Variants in GPR158 observed in about 807,000 individuals in gnomAD.
GPR158 encodes G protein-coupled receptor 158.
GPR158 carries 30 observed loss-of-function variants against 78.2 expected under a neutral mutation model. The ratio of observed to expected loss-of-function variants is 0.38; its 90% CI spans 0.29 to 0.52. GPR158 has a LOEUF of 0.52. Among genes scored for constraint, GPR158 ranks in the 20% least tolerant of loss-of-function variants. The pLI is 0.83. For missense variants in GPR158, 1,463 were observed against 1,523.5 expected (o/e 0.96, Z 0.66); for synonymous variants, 581 against 591.1 (o/e 0.98, Z 0.25).
intron 5 of GPR158, among the ~76,000 whole-genome samples, chr10:25,531,807 G>A (rs1017035407): frequency 1.3e-5 from 2 of 152,146 alleles, no homozygotes; most frequent in African/African-American, 4.8e-5. Context: ...TCTTGTGAGG[G>A]AGGGAGGATT....
intron 1 of GPR158, among the ~76,000 whole-genome samples, chr10:25,194,055 C>T (rs922476821): frequency 8.5e-5 from 13 of 152,210 alleles, no homozygotes; most frequent in African/African-American, 2.9e-4. Flanking sequence ...ATTTCTTTTC[C>T]TCACGAGCCC....
At chr10:25,490,656 T>A (rs951531380) in intron 5 of GPR158, among the ~76,000 whole-genome samples, 1 of 149,342 alleles carries the variant, frequency 6.7e-6, no homozygotes, top group Non-Finnish European at 1.5e-5. Flanking sequence ...TATTCCGTGG[T>A]GTATATGTGC....
chr10:25,267,059 C>T (rs1281181343), intron 2 of GPR158, among the ~76,000 whole-genome samples: 1 of 151,978 alleles, frequency 6.6e-6, no homozygotes, highest in African/African-American at 2.4e-5. Context: ...CCCTCTATTC[C>T]TCTTTAAATT....
intron 2 of GPR158, among the ~76,000 whole-genome samples, chr10:25,348,370 C>T (rs939656541): frequency 2.7e-5 from 4 of 149,024 alleles, no homozygotes; most frequent in African/African-American, 1.0e-4. Flanking sequence ...CAAAATATTA[C>T]CCAGAAATGA....
intron 7 of GPR158, among the ~76,000 whole-genome samples, chr10:25,580,029 A>T (rs1406826895): frequency 9.8e-5 from 15 of 152,308 alleles, no homozygotes; most frequent in African/African-American, 3.6e-4. Context: ...TGGTTGTGAA[A>T]GTCCACTGAT....
intron 4 of GPR158, among the ~76,000 whole-genome samples, chr10:25,450,017 T>A (rs201980316): frequency 7.0e-6 from 1 of 143,370 alleles, no homozygotes; most frequent in Non-Finnish European, 1.5e-5. Flanking sequence ...AAAAAAAACC[T>A]CCTCCCTGAC....
intron 2 of GPR158, among the ~76,000 whole-genome samples, chr10:25,366,289 A>C (rs1350876856): frequency 6.6e-6 from 1 of 151,614 alleles, no homozygotes; most frequent in African/African-American, 2.4e-5. Flanking sequence ...GTTATTTTCA[A>C]ATTTAATAGA....
chr10:25,421,112 T>C (rs915346195), intron 4 of GPR158, among the ~76,000 whole-genome samples: 3 of 152,214 alleles, frequency 2.0e-5, no homozygotes, highest in Non-Finnish European at 4.4e-5. Context: ...TCTTTCTACT[T>C]ATATGTGTCT....
intron 2 of GPR158, among the ~76,000 whole-genome samples, chr10:25,370,015 C>A (rs1315517548): frequency 2.1e-5 from 3 of 144,454 alleles, no homozygotes; most frequent in African/African-American, 4.9e-5. Flanking sequence ...GTGGTGATAT[C>A]CCCTTTATCA....
intron 2 of GPR158, among the ~76,000 whole-genome samples, chr10:25,290,753 T>G (rs1854423858): frequency 6.6e-6 from 1 of 152,096 alleles, no homozygotes; most frequent in African/African-American, 2.4e-5. Flanking sequence ...TCTTCCTTCT[T>G]TGAACCTAAG....
chr10:25,481,409 T>G (rs1662569377), intron 5 of GPR158, among the ~76,000 whole-genome samples: 1 of 152,120 alleles, frequency 6.6e-6, no homozygotes. Context: ...CAGGAGGTGA[T>G]GTATAAACCA....
intron 2 of GPR158, among the ~76,000 whole-genome samples, chr10:25,294,900 A>G (rs944169162): frequency 3.3e-5 from 5 of 152,242 alleles, no homozygotes; most frequent in Admixed American, 2.0e-4. Context: ...CAGATAAATC[A>G]TCTAGGTGTA....
At chr10:25,526,786 A>G (rs2130688827) in intron 5 of GPR158, among the ~76,000 whole-genome samples, 1 of 152,300 alleles carries the variant, frequency 6.6e-6, no homozygotes, top group Non-Finnish European at 1.5e-5. Flanking sequence ...CAATCAAGAA[A>G]CAACCCCAGT....
intron 1 of GPR158, among the ~76,000 whole-genome samples, chr10:25,208,381 C>T (rs1382783741): frequency 6.6e-6 from 1 of 152,162 alleles, no homozygotes; most frequent in African/African-American, 2.4e-5. Flanking sequence ...GAGGAAAACA[C>T]TTTTTAAAAG....
Position 25,176,132 on chromosome 10 carries a change from G to T in GPR158, c.712G>T (p.Gly238Cys). The T allele has an allele frequency of 6.4e-7, 1 of 1,572,532 alleles. No individual in the cohort carries two copies. The highest frequency in any genetic ancestry group is 1.2e-5 in the South Asian group (1 of 86,470). ...GTGGAGGCCCCACTTACACCGCCGC[G>T]GCCCCAATCAGGGGCCCCGGGGCCT... ...RKWRPHLHRR[G>C]PNQGPRGLGH... Residue 238 changes from glycine to cysteine, a missense_variant, in exon 1 of 11, where the codon GGC (glycine) becomes TGC (cysteine). Physicochemically the swap from Gly to Cys is radical, Grantham distance 159. Transcript: ENST00000376351. This position sits in a 1 kb window ranked among gnomAD's most constrained non-coding sequence, Gnocchi z 6.3.
At chr10:25,330,346 C>A (rs577382) in intron 2 of GPR158, among the ~76,000 whole-genome samples, 122,828 of 152,112 alleles carry the variant, frequency 0.81, 50,649 homozygotes, top group African/African-American at 0.9. Flanking sequence ...ATGGTTGCTG[C>A]AGGAGCACAG....
At chr10:25,421,354 C>G (rs1011779555) in intron 4 of GPR158, among the ~76,000 whole-genome samples, 1 of 152,180 alleles carries the variant, frequency 6.6e-6, no homozygotes, top group South Asian at 2.1e-4. Flanking sequence ...TTCGTGCTTT[C>G]TATTTCCTGT....
At chr10:25,470,645 T>C (rs1835487352) in intron 5 of GPR158, among the ~76,000 whole-genome samples, 2 of 152,212 alleles carry the variant, frequency 1.3e-5, no homozygotes, top group African/African-American at 4.8e-5. Flanking sequence ...ACAGAAGCAA[T>C]GCAGCAGTAT....
chr10:25,339,020 C>CTTTTTTTT (rs55774828), intron 2 of GPR158, among the ~76,000 whole-genome samples: 1 of 137,248 alleles, frequency 7.3e-6, no homozygotes. Flanking sequence ...TTCTTTCTTT[C>CTTTTTTTT]TTTTTTTTTT....
Sources: allele counts gnomAD v4.1 joint callset (sites outside exome capture counted in the v4.1 genomes callset), GRCh38; gene constraint gnomAD v4.1.1; non-coding constraint Gnocchi (gnomAD v3.1); transcripts MANE v1.5; gene names NCBI Gene and HGNC (gene_info 2026-07-23, HGNC 2026-07-21).